The following SLC35C1 variants were observed in gnomAD, a reference collection of about 807,000 sequenced individuals.
SLC35C1 encodes the protein solute carrier family 35 member C1, also known as GDP-fucose transporter 1.
A neutral mutation model predicts 23.2 loss-of-function variants in SLC35C1; 8 were observed. The observed-to-expected ratio is 0.35, with a 90% CI of 0.20 to 0.62. SLC35C1 has a LOEUF of 0.62. Among genes scored for constraint, SLC35C1 ranks in the 20% least tolerant of loss-of-function variants. SLC35C1 has a pLI of 0.75. For missense variants in SLC35C1, 422 were observed against 478.6 expected (o/e 0.88, Z 1.10); for synonymous variants, 226 against 225.1 (o/e 1.00, Z -0.04).
In SLC35C1 at chr11:45,812,395, C is replaced by T. The variant is rs886213973; in HGVS notation, c.*1060C>T. The T allele has an allele frequency of 1.1e-5, 4 of 370,750 alleles. No individual in the cohort carries two copies. The highest frequency in any genetic ancestry group is 1.6e-5 in the Non-Finnish European group (3 of 186,558). The allele number at this position is 370,750 out of a possible 1,614,324, so 23.0% of individuals were successfully genotyped here. A position where few individuals can be genotyped will look rare whatever the true frequency, so the allele number is the denominator to read the frequency against. On this transcript the variant is annotated 3_prime_UTR_variant, in exon 2 of 2. Coordinates refer to ENST00000314134, the MANE Select transcript of SLC35C1 (RefSeq NM_018389.5). The stretch of plus-strand genomic sequence containing the variant: ...GTGGCTGACAGAGCCTGCTTGGCCC[C>T]ACTGTTAGTCCAGCGAGCTCCTATA...
rs1418822602 is a variant in SLC35C1 at position 45,805,936 on chromosome 11, C to G, written c.135C>G (p.Val45=). The G allele has an allele frequency of 3.1e-6, 5 of 1,614,116 alleles. No homozygotes were observed. Among genetic ancestry groups the G allele is most frequent in the Non-Finnish European group, 4.2e-6 (5 of 1,180,046 alleles). The change falls in exon 1 of 2, where the codon GTC becomes GTG. Residue 45 remains valine (V), a synonymous_variant. Transcript: ENST00000314134. ...GGGCATTGCAGATCGCGCTGGTGGT[C>G]TCCCTCTACTGGGTCACCTCCATCT... is the stretch of plus-strand genomic sequence containing the variant. The part of the protein sequence containing the change: ...LLRALQIALV[V]SLYWVTSISM...
intron 1 of SLC35C1, among the ~76,000 whole-genome samples, chr11:45,808,232 G>T (rs2085898057): frequency 1.3e-5 from 2 of 152,200 alleles, no homozygotes; most frequent in Non-Finnish European, 2.9e-5. Flanking sequence ...AGGCACAGTG[G>T]CTCATGCCTG....
rs752657090 is a variant in SLC35C1 at position 45,805,979 on chromosome 11, A to G, written c.178A>G (p.Lys60Glu). The change falls in exon 1 of 2, where the codon AAG (lysine) becomes GAG (glutamate). Residue 60 changes from lysine (K) to glutamate (E), a missense_variant. Coordinates refer to ENST00000314134, the MANE Select transcript of SLC35C1 (RefSeq NM_018389.5). ...CTCCATCTCCATGGTGTTCCTTAAT[A>G]AGTACCTGCTGGACAGCCCCTCCCT... is the stretch of plus-strand genomic sequence containing the variant. ...VTSISMVFLNKYLLDSPSLRL... is the reference protein window; with the variant it reads ...VTSISMVFLNEYLLDSPSLRL... The G allele has an allele frequency of 6.2e-7, 1 of 1,613,978 alleles. No homozygotes were observed. Among genetic ancestry groups the G allele is most frequent in the South Asian group, 1.1e-5 (1 of 91,082 alleles).
rs951755252 is a variant in SLC35C1 at position 45,811,604 on chromosome 11, G to A, written c.*269G>A. The A allele has an allele frequency of 1.7e-5, 7 of 403,940 alleles. No individual in the cohort carries two copies. The highest frequency in any genetic ancestry group is 2.7e-5 in the Non-Finnish European group (6 of 226,344). 25.0% of individuals were successfully genotyped at this position (403,940 alleles called of 1,614,324 possible). A position where few individuals can be genotyped will look rare whatever the true frequency, so the allele number is the denominator to read the frequency against. On this transcript the variant is annotated 3_prime_UTR_variant, in exon 2 of 2. Coordinates refer to ENST00000314134, the MANE Select transcript of SLC35C1 (RefSeq NM_018389.5). ...GTATTTCTGAGTTTTTGTCCTTCCCGAGGGAGCACCCTAGTGAGAGTTGAA... is the reference window on the plus strand; with the variant it reads ...GTATTTCTGAGTTTTTGTCCTTCCCAAGGGAGCACCCTAGTGAGAGTTGAA...
At chr11:45,809,093 A>G (rs1015353379) in intron 1 of SLC35C1, among the ~76,000 whole-genome samples, 3 of 152,192 alleles carry the variant, frequency 2.0e-5, no homozygotes, top group African/African-American at 7.2e-5. Context: ...CCACCTCCAT[A>G]ACAACTTTCA....
Position 45,806,420 on chromosome 11 carries a change from C to T in SLC35C1, c.535+84C>T, listed in dbSNP as rs947353312. ...AACAACTCTTCTAGGCATCCTAGGA[C>T]TTCATCTGTCCCAGCTCCTTTGGTG... On this transcript the variant is annotated intron_variant, in intron 1 of 1. Transcript: ENST00000314134. The T allele has an allele frequency of 3.3e-6, 5 of 1,502,526 alleles. No homozygotes were observed. In the East Asian group the frequency reaches 1.2e-4, roughly 36 times the overall value. The allele number at this position is 1,502,526 out of a possible 1,614,324, so 93.1% of individuals were successfully genotyped here. A position where few individuals can be genotyped will look rare whatever the true frequency, so the allele number is the denominator to read the frequency against.
intron 1 of SLC35C1, among the ~76,000 whole-genome samples, chr11:45,808,819 A>G (rs1368725181): frequency 6.6e-6 from 1 of 152,152 alleles, no homozygotes; most frequent in Admixed American, 6.5e-5. Context: ...CTTGGCCAAC[A>G]TGGTGAAGCC....
chr11:45,805,214 C>T lies in SLC35C1; in HGVS notation c.-588C>T, dbSNP rs2085855606. 1 of 991,754 alleles carries T rather than the reference C, an allele frequency of 1.0e-6. No homozygotes were observed. Among genetic ancestry groups the T allele is most frequent in the Non-Finnish European group, 1.2e-6 (1 of 833,304 alleles). 61.4% of individuals were successfully genotyped at this position (991,754 alleles called of 1,614,324 possible). A position where few individuals can be genotyped will look rare whatever the true frequency, so the allele number is the denominator to read the frequency against. ...GCCCGGGAAGGCAGCGAGACGTGGGCGCCGGCCCAGCCCCCTCCCGCGTCC... is the reference window on the plus strand; with the variant it reads ...GCCCGGGAAGGCAGCGAGACGTGGGTGCCGGCCCAGCCCCCTCCCGCGTCC... On this transcript the variant is annotated 5_prime_UTR_variant, in exon 1 of 2. Transcript: ENST00000314134.
At chr11:45,808,509 G>C (rs1329760369) in intron 1 of SLC35C1, among the ~76,000 whole-genome samples, 1 of 152,002 alleles carries the variant, frequency 6.6e-6, no homozygotes, top group Non-Finnish European at 1.5e-5. Flanking sequence ...TCAAAAAAAA[G>C]TTCTTTCTGG....
At chr11:45,807,375 G>C (rs1349605215) in intron 1 of SLC35C1, among the ~76,000 whole-genome samples, 1 of 152,198 alleles carries the variant, frequency 6.6e-6, no homozygotes, top group Non-Finnish European at 1.5e-5. Context: ...GGGCTCAGTA[G>C]CCAAATGTGG....
rs1352651416 is a variant in SLC35C1 at position 45,810,984 on chromosome 11, G to C, written c.744G>C (p.Leu248=). 6.2e-7 allele frequency: 1 copy of C among 1,612,832 alleles called. No homozygotes were observed. Among genetic ancestry groups the C allele is most frequent in the East Asian group, 2.2e-5 (1 of 44,884 alleles). ...ACILFLPLLL[L]LGELQALRDF... ...TCCTCTTCCTGCCCCTGCTCCTGCT[G>C]CTCGGGGAGCTTCAGGCCCTGCGTG... The change falls in exon 2 of 2, where the codon CTG becomes CTC. Residue 248 remains leucine (L), a synonymous_variant. Coordinates refer to ENST00000314134, the MANE Select transcript of SLC35C1 (RefSeq NM_018389.5).
Position 45,805,654 on chromosome 11 carries a change from C to G in SLC35C1, c.-148C>G. The G allele has an allele frequency of 6.5e-7, 1 of 1,528,088 alleles. No individual in the cohort carries two copies. The highest frequency in any genetic ancestry group is 1.2e-5 in the South Asian group (1 of 84,114). 94.7% of individuals were successfully genotyped at this position (1,528,088 alleles called of 1,614,324 possible). ...CACCCCAAAGCAGAACTTCTCAATC[C>G]ATGAGGACAATGGGGAGGCCTTTAG... On this transcript the variant is annotated 5_prime_UTR_variant, in exon 1 of 2. Coordinates refer to ENST00000314134, the MANE Select transcript of SLC35C1 (RefSeq NM_018389.5).
chr11:45,808,145 A>T (rs1590745097), intron 1 of SLC35C1, among the ~76,000 whole-genome samples: 1 of 152,050 alleles, frequency 6.6e-6, no homozygotes, highest in East Asian at 1.9e-4. Context: ...GGGGAAGACG[A>T]GTCTCAGGCA....
At chr11:45,806,435 C>T in intron 1 of SLC35C1, 99 bp downstream of exon 1, 11 of 1,449,708 alleles carry the variant, frequency 7.6e-6, no homozygotes, top group Non-Finnish European at 1.0e-5. Flanking sequence ...TCTGTCCCAG[C>T]TCCTTTGGTG....
rs921392592 is a variant in SLC35C1, at chr11:45,805,621, A to G, written c.-181A>G. The stretch of plus-strand genomic sequence containing the variant: ...TGGGAGTAGGTTGTGGAGCAGCACA[A>G]CTGGGCTCACCCCAAAGCAGAACTT... On this transcript the variant is annotated 5_prime_UTR_variant, in exon 1 of 2. Transcript: ENST00000314134. The G allele has an allele frequency of 1.3e-5, 19 of 1,485,808 alleles. No homozygotes were observed. In the African/African-American group the frequency reaches 1.7e-4, roughly 13 times the overall value. The allele number at this position is 1,485,808 out of a possible 1,614,324, so 92.0% of individuals were successfully genotyped here.
chr11:45,805,790 T>G lies in SLC35C1; in HGVS notation c.-12T>G. On this transcript the variant is annotated 5_prime_UTR_variant, in exon 1 of 2. Transcript: ENST00000314134. ...AGTTCTGGCCGCGGGGTGACCCAGCTCCTCTGCTACCATGAATAGGGCCCC... is the reference window on the plus strand; with the variant it reads ...AGTTCTGGCCGCGGGGTGACCCAGCGCCTCTGCTACCATGAATAGGGCCCC... The G allele has an allele frequency of 3.1e-6, 5 of 1,612,122 alleles. No individual in the cohort carries two copies. The highest frequency in any genetic ancestry group is 4.2e-6 in the Non-Finnish European group (5 of 1,179,960).
Position 45,812,627 on chromosome 11 carries a change from T to C in SLC35C1, c.*1292T>C. 1 of 455,980 alleles carries C rather than the reference T, an allele frequency of 2.2e-6. No individual in the cohort carries two copies. The highest frequency in any genetic ancestry group is 4.4e-6 in the Non-Finnish European group (1 of 226,772). 28.2% of individuals were successfully genotyped at this position (455,980 alleles called of 1,614,324 possible). On this transcript the variant is annotated 3_prime_UTR_variant, in exon 2 of 2. Coordinates refer to ENST00000314134, the MANE Select transcript of SLC35C1 (RefSeq NM_018389.5). The stretch of plus-strand genomic sequence containing the variant: ...TCCTTCCTGCCTCTTTTATAAGGAC[T>C]CCAACCCTGTTCATGAGGGTTCCGC...
Position 45,805,695 on chromosome 11 carries a change from A to G in SLC35C1, c.-107A>G. Reference sequence around the variant, plus strand: ...AGGCCTTTAGGCCAGCCCACATGTGACAATGGAGGGCTGCGGCTTCCTTGC... The same window carrying G: ...AGGCCTTTAGGCCAGCCCACATGTGGCAATGGAGGGCTGCGGCTTCCTTGC... On this transcript the variant is annotated 5_prime_UTR_variant, in exon 1 of 2. The change abolishes the stop of an existing upstream ORF in the 5' untranslated region. Coordinates refer to ENST00000314134, the MANE Select transcript of SLC35C1 (RefSeq NM_018389.5). 1 of 1,588,242 alleles carries G rather than the reference A, an allele frequency of 6.3e-7. No homozygotes were observed.
At chr11:45,808,109 A>G (rs1048958879) in intron 1 of SLC35C1, among the ~76,000 whole-genome samples, 2 of 152,042 alleles carry the variant, frequency 1.3e-5, no homozygotes, top group Non-Finnish European at 2.9e-5. Context: ...CCTATCTGCA[A>G]TGTTTCCTCT....
Sources: allele counts gnomAD v4.1 joint callset (sites outside exome capture counted in the v4.1 genomes callset), GRCh38; gene constraint gnomAD v4.1.1; transcripts MANE v1.5; gene names NCBI Gene and HGNC (gene_info 2026-07-23, HGNC 2026-07-21).